The following LANCL2 variants were observed in gnomAD, a reference collection of about 807,000 sequenced individuals.
LANCL2 encodes the protein LanC like glutathione S-transferase 2.
In LANCL2, 33 loss-of-function variants were observed where a neutral mutation model predicts 56.9. The ratio of observed to expected loss-of-function variants is 0.58; its 90% CI spans 0.44 to 0.78. The LOEUF (loss-of-function observed/expected upper bound fraction) is 0.78, where lower values mean the gene tolerates loss of function less well. LANCL2 is among the 30% of genes least tolerant of loss of function. The pLI is 0.00. For synonymous variants in LANCL2, 233 were observed against 228.2 expected (o/e 1.02, Z -0.19); for missense variants, 562 against 580.2 (o/e 0.97, Z 0.32).
intron 1 of LANCL2, among the ~76,000 whole-genome samples, chr7:55,388,182 G>C (rs534893178): frequency 6.6e-6 from 1 of 152,308 alleles, no homozygotes; most frequent in South Asian, 2.1e-4. Context: ...AAAATCAGGG[G>C]TTAGGATGTT....
intron 1 of LANCL2, chr7:55,379,683 A>G (rs1790043787): frequency 6.5e-6 from 1 of 152,700 alleles, no homozygotes; most frequent in East Asian, 1.9e-4. Context: ...GGCCTAAGTT[A>G]CTAACATGGA....
In LANCL2 at chr7:55,365,690, G is replaced by C. The variant is rs977015317; in HGVS notation, c.-336G>C. ...CCCGGCCGTGCGCGTCGCCGCGGACGGGCTCTGCGGGCCACGGGGAAGGTG... is the reference window on the plus strand; with the variant it reads ...CCCGGCCGTGCGCGTCGCCGCGGACCGGCTCTGCGGGCCACGGGGAAGGTG... On this transcript the variant is annotated 5_prime_UTR_variant, in exon 1 of 9. Coordinates refer to ENST00000254770, the MANE Select transcript of LANCL2 (RefSeq NM_018697.4). 4.7e-6 allele frequency: 1 copy of C among 212,942 alleles called. No homozygotes were observed. Among genetic ancestry groups the C allele is most frequent in the Non-Finnish European group, 9.3e-6 (1 of 107,682 alleles). 13.2% of individuals were successfully genotyped at this position (212,942 alleles called of 1,614,324 possible). A position where few individuals can be genotyped will look rare whatever the true frequency, so the allele number is the denominator to read the frequency against.
intron 5 of LANCL2, among the ~76,000 whole-genome samples, chr7:55,405,946 G>A (rs955328843): frequency 3.3e-5 from 5 of 152,164 alleles, no homozygotes; most frequent in African/African-American, 4.8e-5. Flanking sequence ...TGCACGGTTC[G>A]TGGCTGTTGT....
At chr7:55,414,983 C>CAAAAAAAAAAAAA (rs372708498) in intron 6 of LANCL2, among the ~76,000 whole-genome samples, 1 of 62,074 alleles carries the variant, frequency 1.6e-5, no homozygotes, top group Non-Finnish European at 2.9e-5. Context: ...GACCCTACCT[C>CAAAAAAAAAAAAA]AAAAAAAAAA....
intron 1 of LANCL2, among the ~76,000 whole-genome samples, chr7:55,381,445 G>C (rs868786635): frequency 5.3e-5 from 8 of 152,290 alleles, no homozygotes; most frequent in South Asian, 4.1e-4. Flanking sequence ...TGCGTGTCTG[G>C]AACAGACCCA....
In LANCL2 at chr7:55,365,517, T is replaced by A. The variant is rs1789846217; in HGVS notation, c.-509T>A. On this transcript the variant is annotated 5_prime_UTR_variant, in exon 1 of 9. Coordinates refer to ENST00000254770, the MANE Select transcript of LANCL2 (RefSeq NM_018697.4). ...GCGCCAGGGGCTGAGCTCGCCCCGGTCGGCGACGCGCACACACCTTGAGTG... is the reference window on the plus strand; with the variant it reads ...GCGCCAGGGGCTGAGCTCGCCCCGGACGGCGACGCGCACACACCTTGAGTG... 1 of 152,352 alleles carries A rather than the reference T, an allele frequency of 6.6e-6. No individual in the cohort carries two copies. The highest frequency in any genetic ancestry group is 6.5e-5 in the Admixed American group (1 of 15,282). 9.4% of individuals were successfully genotyped at this position (152,352 alleles called of 1,614,324 possible). A position where few individuals can be genotyped will look rare whatever the true frequency, so the allele number is the denominator to read the frequency against.
chr7:55,391,664 G>T, intron 1 of LANCL2, 129 bp from the exon 2 acceptor site: 1 of 551,262 alleles, frequency 1.8e-6, no homozygotes, highest in Admixed American at 2.9e-5. Flanking sequence ...TCCAACCAAT[G>T]ATGCACTGAG....
chr7:55,366,636 C>T (rs1183656118), intron 1 of LANCL2, among the ~76,000 whole-genome samples: 6 of 152,208 alleles, frequency 3.9e-5, no homozygotes, highest in Non-Finnish European at 8.8e-5. Context: ...TATCTGGTCC[C>T]TGGGCTCTCG....
At chr7:55,374,952 G>C (rs1342866349) in intron 1 of LANCL2, among the ~76,000 whole-genome samples, 8 of 152,106 alleles carry the variant, frequency 5.3e-5, no homozygotes, top group Admixed American at 5.2e-4. Context: ...TGCTGCTTTA[G>C]GATTATCAAG....
At chr7:55,398,349 A>T in intron 2 of LANCL2, 74 bp from the exon 3 acceptor site, 1 of 1,085,664 alleles carries the variant, frequency 9.2e-7, no homozygotes, top group Non-Finnish European at 1.4e-6. Context: ...TATTTCATGT[A>T]ATTATAAATA....
intron 5 of LANCL2, among the ~76,000 whole-genome samples, chr7:55,407,290 G>A (rs978183306): frequency 3.9e-5 from 6 of 152,210 alleles, no homozygotes; most frequent in African/African-American, 1.4e-4. Context: ...GGGTGAGACT[G>A]CCTCTCTGTC....
At position 55,433,159 on chromosome 7, in the gene LANCL2, CGAG is replaced by C. The variant is rs917296152; in HGVS notation, c.*1844_*1846del. ...GCTCTCCAGGGCAGCCCCTCTCAGA[CGAG>C]GAGGCAGCGGGTGCAGCCAGGTGTC... On this transcript the variant is annotated 3_prime_UTR_variant, in exon 9 of 9. Coordinates refer to ENST00000254770, the MANE Select transcript of LANCL2 (RefSeq NM_018697.4). 2 of 152,368 alleles carry C rather than the reference CGAG, an allele frequency of 1.3e-5. No homozygotes were observed. The highest frequency in any genetic ancestry group is 6.5e-5 in the Admixed American group (1 of 15,288). The allele number at this position is 152,368 out of a possible 1,614,324, so 9.4% of individuals were successfully genotyped here.
At chr7:55,413,816 T>C (rs1487876677) in intron 6 of LANCL2, among the ~76,000 whole-genome samples, 1 of 152,232 alleles carries the variant, frequency 6.6e-6, no homozygotes, top group Non-Finnish European at 1.5e-5. Context: ...CTTAATTCTG[T>C]CCTCTACATT....
Position 55,366,074 on chromosome 7 carries a change from G to A in LANCL2, c.49G>A (p.Ala17Thr). 4.6e-6 allele frequency: 7 copies of A among 1,529,974 alleles called. No individual in the cohort carries two copies. Among genetic ancestry groups the A allele is most frequent in the Non-Finnish European group, 6.2e-6 (7 of 1,134,404 alleles). The allele number at this position is 1,529,974 out of a possible 1,614,324, so 94.8% of individuals were successfully genotyped here. A position where few individuals can be genotyped will look rare whatever the true frequency, so the allele number is the denominator to read the frequency against. ...KRLKLHLGGE[A>T]EMEERAFVNP... Reference sequence around the variant, plus strand: ...GCTGAAGCTCCACCTGGGAGGGGAGGCAGAAATGGAGGAACGGGCGTTCGT... The same window carrying A: ...GCTGAAGCTCCACCTGGGAGGGGAGACAGAAATGGAGGAACGGGCGTTCGT... Residue 17 changes from alanine (A) to threonine (T), a missense_variant, in exon 1 of 9, where the codon GCA (alanine) becomes ACA (threonine). Physicochemically the swap from Ala to Thr is moderately conservative, Grantham distance 58 (BLOSUM62 0). Coordinates refer to ENST00000254770, the MANE Select transcript of LANCL2 (RefSeq NM_018697.4).
At chr7:55,401,060 T>A in intron 4 of LANCL2, 114 bp from the exon 5 acceptor site, 1 of 699,078 alleles carries the variant, frequency 1.4e-6, no homozygotes, top group Non-Finnish European at 2.2e-6. Context: ...ACTTTTAGAT[T>A]AAGGCTTCTG....
At chr7:55,381,942 T>A (rs1272053497) in intron 1 of LANCL2, among the ~76,000 whole-genome samples, 1 of 152,232 alleles carries the variant, frequency 6.6e-6, no homozygotes, top group Non-Finnish European at 1.5e-5. Context: ...TTCTCCAGGC[T>A]GATGCCTTCC....
intron 2 of LANCL2, 29 bp downstream of exon 2, chr7:55,391,939 A>G (rs768820036): frequency 1.7e-6 from 2 of 1,162,440 alleles, no homozygotes; most frequent in Admixed American, 3.7e-5. Context: ...AATCACTGAT[A>G]CATTTTATTC....
intron 5 of LANCL2, among the ~76,000 whole-genome samples, chr7:55,402,901 C>T (rs535988895): frequency 1.3e-5 from 2 of 151,368 alleles, no homozygotes; most frequent in South Asian, 2.1e-4. Context: ...CAGAGACGCT[C>T]CTCACTTCCT....
chr7:55,400,130 G>A, intron 4 of LANCL2, 26 bp downstream of exon 4: 1 of 1,542,478 alleles, frequency 6.5e-7, no homozygotes, highest in Non-Finnish European at 8.8e-7. Context: ...GGTAACTATG[G>A]GCGTCTCTAC....
Sources: allele counts gnomAD v4.1 joint callset (sites outside exome capture counted in the v4.1 genomes callset), GRCh38; gene constraint gnomAD v4.1.1; transcripts MANE v1.5; gene names NCBI Gene and HGNC (gene_info 2026-07-23, HGNC 2026-07-21).